CNOT2: variants seen among roughly 807,000 people sequenced by gnomAD.
The protein encoded by CNOT2 is CC chemokine receptor 4-negative regulator of transcription 2.
Under a neutral mutation model 72.1 loss-of-function variants are expected in CNOT2, and 7 were observed. That is an observed-to-expected ratio of 0.10 (90% CI 0.06 to 0.18). The LOEUF (loss-of-function observed/expected upper bound fraction) is 0.18, where lower values mean the gene tolerates loss of function less well. Among genes scored for constraint, CNOT2 ranks in the 10% least tolerant of loss-of-function variants. The pLI is 1.00. For missense variants in CNOT2, 345 were observed against 660.3 expected (o/e 0.52, Z 5.23); for synonymous variants, 196 against 225.6 (o/e 0.87, Z 1.17).
intron 1 of CNOT2, among the ~76,000 whole-genome samples, chr12:70,250,774 T>G (rs1958106712): frequency 6.6e-6 from 1 of 152,072 alleles, no homozygotes; most frequent in Non-Finnish European, 1.5e-5. Context: ...TTTTGTATGT[T>G]TGAAGATAAG....
chr12:70,311,107 C>G, intron 3 of CNOT2, 90 bp downstream of exon 3: 1 of 874,740 alleles, frequency 1.1e-6, no homozygotes, highest in Middle Eastern at 3.5e-4. Context: ...AGAATACTGT[C>G]TGTGGTTGAG....
intron 2 of CNOT2, among the ~76,000 whole-genome samples, chr12:70,291,891 C>G (rs758397966): frequency 6.6e-6 from 1 of 152,100 alleles, no homozygotes; most frequent in Non-Finnish European, 1.5e-5. Context: ...GAGCCGAGAT[C>G]GTGCCACTGC....
chr12:70,276,567 G>A (rs183945302), intron 1 of CNOT2, among the ~76,000 whole-genome samples: 1 of 151,886 alleles, frequency 6.6e-6, no homozygotes, highest in Non-Finnish European at 1.5e-5. Flanking sequence ...TGTGACAATC[G>A]TGAAAATTTG....
chr12:70,350,822 A>G (rs1346249455), intron 15 of CNOT2, among the ~76,000 whole-genome samples: 2 of 152,222 alleles, frequency 1.3e-5, no homozygotes, highest in Admixed American at 6.5e-5. Context: ...AATCTCAGAT[A>G]AGAGATACTC....
At chr12:70,336,373 T>C (rs928965727) in intron 8 of CNOT2, 2 of 152,112 alleles carry the variant, frequency 1.3e-5, no homozygotes, top group Non-Finnish European at 2.9e-5. Flanking sequence ...ACAATGTAGA[T>C]ATGAAAATTC....
At chr12:70,274,377 A>G (rs1868405468) in intron 1 of CNOT2, among the ~76,000 whole-genome samples, 1 of 152,076 alleles carries the variant, frequency 6.6e-6, no homozygotes, top group South Asian at 2.1e-4. Flanking sequence ...AATCGGTCAC[A>G]TCTTGTAGTT....
chr12:70,247,200 C>G (rs1046603850), intron 1 of CNOT2, among the ~76,000 whole-genome samples: 2 of 150,638 alleles, frequency 1.3e-5, no homozygotes, highest in Non-Finnish European at 3.0e-5. Flanking sequence ...AAGTTTTGCT[C>G]GTCGCTGAGG....
chr12:70,279,130 G>A (rs761236901), intron 2 of CNOT2, among the ~76,000 whole-genome samples: 6 of 152,154 alleles, frequency 3.9e-5, no homozygotes, highest in Non-Finnish European at 8.8e-5. Context: ...TCACTCATCA[G>A]TTCATTCCCT....
intron 11 of CNOT2, among the ~76,000 whole-genome samples, chr12:70,340,211 G>A (rs998901157): frequency 2.0e-5 from 3 of 152,082 alleles, no homozygotes; most frequent in Non-Finnish European, 1.5e-5. Flanking sequence ...TGACCTTCAT[G>A]TTATTAAATT....
chr12:70,265,272 T>TC lies in CNOT2; in HGVS notation c.-95-12860_-95-12859insC, dbSNP rs1472651812. Among the ~76,000 whole-genome samples, 979 of 146,484 alleles carry TC rather than the reference T, an allele frequency of 6.7e-3. 10 individuals are homozygous for TC. Among genetic ancestry groups the TC allele is most frequent in the African/African-American group, 0.023 (890 of 39,074 alleles). Reference sequence around the variant, plus strand: ...CTACCAAACCTGGAGTTTCGTTTTGTTTCTTCTCTTCTCTTCTCTTCTCTT... The same window carrying TC: ...CTACCAAACCTGGAGTTTCGTTTTGTCTTCTTCTCTTCTCTTCTCTTCTCTT... On this transcript the variant is annotated intron_variant, in intron 1 of 15. Transcript: ENST00000229195.
intron 2 of CNOT2, chr12:70,290,947 A>G (rs1378029986): frequency 6.6e-6 from 1 of 152,228 alleles, no homozygotes; most frequent in East Asian, 1.9e-4. Flanking sequence ...ATAAAATACT[A>G]TACAGTGTGC....
intron 2 of CNOT2, among the ~76,000 whole-genome samples, chr12:70,279,997 A>G (rs774620038): frequency 2.4e-4 from 37 of 152,096 alleles, no homozygotes; most frequent in Non-Finnish European, 4.9e-4. Flanking sequence ...TCGTTTATTG[A>G]TACATAATTG....
At chr12:70,249,575 T>C (rs1349989532) in intron 1 of CNOT2, among the ~76,000 whole-genome samples, 2 of 152,002 alleles carry the variant, frequency 1.3e-5, no homozygotes, top group Non-Finnish European at 2.9e-5. Context: ...TTAAATCAAA[T>C]AGATGTTAAT....
chr12:70,346,486 TCC>T, intron 15 of CNOT2, 162 bp downstream of exon 15: 1 of 498,682 alleles, frequency 2.0e-6, no homozygotes, highest in Non-Finnish European at 3.5e-6. Flanking sequence ...TAGAAGAGTG[TCC>T]CAAAACAATT....
chr12:70,247,327 T>C (rs991899537), intron 1 of CNOT2, among the ~76,000 whole-genome samples: 1 of 152,078 alleles, frequency 6.6e-6, no homozygotes, highest in Non-Finnish European at 1.5e-5. Flanking sequence ...CAGCTAATTT[T>C]GTATTTTCAG....
At position 70,339,014 on chromosome 12, in the gene CNOT2, A is replaced by ATGTGTGTGTG. The variant is rs143055295; in HGVS notation, c.1178+219_1178+228dup. Reference sequence around the variant, plus strand: ...TATTCCTTTTATAATTTGGCATTTTATGTGTGTGTGTGTGTGTGTGTGTGT... The same window carrying ATGTGTGTGTG: ...TATTCCTTTTATAATTTGGCATTTTATGTGTGTGTGTGTGTGTGTGTGTGTGTGTGTGTGT... On this transcript the variant is annotated intron_variant, in intron 11 of 15. Transcript: ENST00000229195. 2.0e-3 allele frequency among the ~76,000 whole-genome samples: 262 copies of ATGTGTGTGTG among 131,034 alleles called. 2 individuals carry two copies. The highest frequency in any genetic ancestry group is 7.2e-3 in the African/African-American group (247 of 34,324). The allele number at this position is 131,034 out of a possible 152,430, so 86.0% of individuals were successfully genotyped here.
In CNOT2 at chr12:70,325,801, C is replaced by A. The variant is rs201992425; in HGVS notation, c.239-3622C>A. ...TGCTTTGCAAATGGAAAAGGGGACACTTTAAGGCATCAGTTAAGGACTACT... is the reference window on the plus strand; with the variant it reads ...TGCTTTGCAAATGGAAAAGGGGACAATTTAAGGCATCAGTTAAGGACTACT... On this transcript the variant is annotated intron_variant, in intron 4 of 15. Transcript: ENST00000229195. Among the ~76,000 whole-genome samples, 11 of 151,906 alleles carry A rather than the reference C, an allele frequency of 7.2e-5. No homozygotes were observed. The East Asian group carries it at 2.1e-3, about 29-fold the overall frequency.
chr12:70,335,066 T>G (rs1312624741), intron 7 of CNOT2: 3 of 160,234 alleles, frequency 1.9e-5, no homozygotes, highest in Non-Finnish European at 4.1e-5. Context: ...ATTCTAGATA[T>G]AACCTCCATC....
intron 14 of CNOT2, chr12:70,345,453 T>G (rs1427449841): frequency 6.6e-6 from 1 of 152,188 alleles, no homozygotes; most frequent in Non-Finnish European, 1.5e-5. Flanking sequence ...CACTGGCAGT[T>G]CTGTTTTCAT....
Sources: allele counts gnomAD v4.1 joint callset (sites outside exome capture counted in the v4.1 genomes callset), GRCh38; gene constraint gnomAD v4.1.1; transcripts MANE v1.5; gene names NCBI Gene and HGNC (gene_info 2026-07-23, HGNC 2026-07-21).